SLC36A2: variants seen among roughly 807,000 people sequenced by gnomAD.
SLC36A2 encodes the protein proton-coupled amino acid transporter 2.
A neutral mutation model predicts 42.7 loss-of-function variants in SLC36A2; 39 were observed. That is an observed-to-expected ratio of 0.91 (90% CI 0.71 to 1.19). The LOEUF (loss-of-function observed/expected upper bound fraction) is 1.19. SLC36A2 is among the 50% of genes most tolerant of loss of function. The probability of loss-of-function intolerance (pLI) is 0.00; values close to 1 mark genes in which losing one functional copy is unlikely to be tolerated. For synonymous variants in SLC36A2, 237 were observed against 240.8 expected, an observed-to-expected ratio of 0.98 and a Z score of 0.15; for missense variants, 590 against 613.7, an observed-to-expected ratio of 0.96 and a Z score of 0.41.
In SLC36A2 at chr5:151,316,843, A is replaced by T; in HGVS notation, c.1426T>A (p.Ser476Thr). ...CACCGAACAAAAGTGGTGGAGTTGGAAAAGGGGTGAGAGTCTTCTGACTTG... is the reference window on the plus strand; with the variant it reads ...CACCGAACAAAAGTGGTGGAGTTGGTAAAGGGGTGAGAGTCTTCTGACTTG... The part of the protein sequence containing the change: ...LLKSEDSHPF[S>T]NSTTFVR Residue 476 changes from serine to threonine, a missense_variant, in exon 10 of 10, where the codon TCC becomes ACC. Coordinates refer to ENST00000335244, the MANE Select transcript of SLC36A2 (RefSeq NM_181776.3). The T allele has an allele frequency of 6.2e-7, 1 of 1,613,442 alleles. No individual in the cohort carries two copies. Among genetic ancestry groups the T allele is most frequent in the Non-Finnish European group, 8.5e-7 (1 of 1,179,870 alleles).
intron 8 of SLC36A2, among the ~76,000 whole-genome samples, chr5:151,323,290 G>GAAATAAATAA (rs1561651875): frequency 3.5e-5 from 4 of 114,598 alleles, no homozygotes; most frequent in African/African-American, 1.2e-4. Flanking sequence ...TAAATAAATG[G>GAAATAAATAA]GTGTGTGTGT....
chr5:151,318,523 T>TGTAA (rs1755581775), intron 9 of SLC36A2, among the ~76,000 whole-genome samples: 1 of 141,830 alleles, frequency 7.1e-6, no homozygotes, highest in South Asian at 2.1e-4. Context: ...TAAATAAAAA[T>TGTAA]ATAATAATTA....
Position 151,343,505 on chromosome 5 carries a change from C to T in SLC36A2, c.344+5G>A, listed in dbSNP as rs774863038. ...GAATTGACACAAGGAGGCTGTTTTC[C>T]TCACCTCTTACAGAAGCGCTGGGCA... On this transcript the variant is annotated splice_donor_5th_base_variant and intron_variant, in intron 3 of 9. Transcript: ENST00000335244. 6.2e-7 allele frequency: 1 copy of T among 1,613,966 alleles called. No homozygotes were observed. The highest frequency in any genetic ancestry group is 1.3e-5 in the African/African-American group (1 of 74,912).
At position 151,347,467 on chromosome 5, in the gene SLC36A2, T is replaced by C; in HGVS notation, c.-7A>G. ...TACTTTTTGTCACAGACATGACTGC[T>C]TAAGAAACAAGGAGCTCGGGGTGAC... On this transcript the variant is annotated 5_prime_UTR_variant, in exon 1 of 10. Coordinates refer to ENST00000335244, the MANE Select transcript of SLC36A2 (RefSeq NM_181776.3). The C allele has an allele frequency of 6.2e-7, 1 of 1,613,692 alleles. No homozygotes were observed. Among genetic ancestry groups the C allele is most frequent in the Non-Finnish European group, 8.5e-7 (1 of 1,180,006 alleles).
chr5:151,331,271 T>C (rs1444291870), intron 7 of SLC36A2, among the ~76,000 whole-genome samples: 1 of 151,930 alleles, frequency 6.6e-6, no homozygotes, highest in African/African-American at 2.4e-5. Context: ...CTCTATGACC[T>C]ATGATTTCTT....
chr5:151,324,898 G>C lies in SLC36A2; in HGVS notation c.1010+388C>G, dbSNP rs1396935755. 5.9e-5 allele frequency among the ~76,000 whole-genome samples: 9 copies of C among 152,276 alleles called. No individual in the cohort carries two copies. In the South Asian group the frequency reaches 1.0e-3, roughly 18 times the overall value. Reference sequence around the variant, plus strand: ...TTCCACTTTTCTATCTGGTTACTCTGACTTGGGGAATGTGAACCACTGGCT... The same window carrying C: ...TTCCACTTTTCTATCTGGTTACTCTCACTTGGGGAATGTGAACCACTGGCT... On this transcript the variant is annotated intron_variant, in intron 8 of 9. Transcript: ENST00000335244.
intron 7 of SLC36A2, among the ~76,000 whole-genome samples, chr5:151,327,951 A>C (rs2127290360): frequency 6.6e-6 from 1 of 152,330 alleles, no homozygotes; most frequent in Admixed American, 6.5e-5. Flanking sequence ...CTGGGCTAGC[A>C]GAGTTCTTCT....
In SLC36A2 at chr5:151,316,756, A is replaced by T; in HGVS notation, c.*61T>A. 6.6e-7 allele frequency: 1 copy of T among 1,521,168 alleles called. No homozygotes were observed. Among genetic ancestry groups the T allele is most frequent in the Non-Finnish European group, 8.8e-7 (1 of 1,135,740 alleles). The allele number at this position is 1,521,168 out of a possible 1,614,324, so 94.2% of individuals were successfully genotyped here. A position where few individuals can be genotyped will look rare whatever the true frequency, so the allele number is the denominator to read the frequency against. On this transcript the variant is annotated 3_prime_UTR_variant, in exon 10 of 10. Coordinates refer to ENST00000335244, the MANE Select transcript of SLC36A2 (RefSeq NM_181776.3). ...ACTCCGTCTCAAAAAAAAAAAAAAA[A>T]AAAAAAAGAGATCCATATAATTAAA...
At position 151,347,388 on chromosome 5, in the gene SLC36A2, C is replaced by G; in HGVS notation, c.73G>C (p.Glu25Gln). Residue 25 changes from glutamate to glutamine, a missense_variant, in exon 1 of 10, where the codon GAA becomes CAA. Transcript: ENST00000335244. ...TTGTTCTCCAACTTCTTGGCACTTT[C>G]AGGAGGCGACATAAGGTCCAATTTG... ...AIKLDLMSPP[E>Q]SAKKLENKDS... 1 of 1,614,248 alleles carries G rather than the reference C, an allele frequency of 6.2e-7. No homozygotes were observed. The highest frequency in any genetic ancestry group is 1.1e-5 in the South Asian group (1 of 91,086).
chr5:151,318,595 A>G (rs1002179080), intron 9 of SLC36A2, among the ~76,000 whole-genome samples: 1 of 146,356 alleles, frequency 6.8e-6, no homozygotes, highest in African/African-American at 2.5e-5. Context: ...TATATATAAA[A>G]ATATAATAAA....
intron 9 of SLC36A2, among the ~76,000 whole-genome samples, chr5:151,318,654 TAATA>T (rs1319483385): frequency 2.7e-5 from 4 of 149,072 alleles, no homozygotes; most frequent in African/African-American, 9.7e-5. Context: ...CCTAGAATTT[TAATA>T]AATAATTAAC....
chr5:151,321,142 G>GATTTATTT (rs141530947), intron 9 of SLC36A2, among the ~76,000 whole-genome samples: 8,908 of 149,776 alleles, frequency 0.059, 383 homozygotes, highest in African/African-American at 0.12. Flanking sequence ...CAGTTCTTAT[G>GATTTATTT]ATTTATTTAT....
chr5:151,324,273 G>T (rs1004680096), intron 8 of SLC36A2, among the ~76,000 whole-genome samples: 37 of 151,976 alleles, frequency 2.4e-4, no homozygotes, highest in African/African-American at 8.7e-4. Context: ...CTCCTGAGTA[G>T]CTGAGACTAT....
At chr5:151,342,825 C>T in intron 4 of SLC36A2, 63 bp downstream of exon 4, 1 of 1,414,504 alleles carries the variant, frequency 7.1e-7, no homozygotes, top group Non-Finnish European at 1.0e-6. Flanking sequence ...AGAAGTCACC[C>T]TGATAGCAGC....
chr5:151,334,461 C>T (rs180741605), intron 6 of SLC36A2, among the ~76,000 whole-genome samples: 2,143 of 148,968 alleles, frequency 0.014, 42 homozygotes, highest in African/African-American at 0.048. Context: ...GGGGCCAAGG[C>T]GGGGGGATCA....
At chr5:151,329,162 A>C (rs246491) in intron 7 of SLC36A2, among the ~76,000 whole-genome samples, 1 of 152,092 alleles carries the variant, frequency 6.6e-6, no homozygotes, top group Admixed American at 6.5e-5. Flanking sequence ...AAGGCTTTGA[A>C]AACTGAACTA....
At chr5:151,340,142 AGGAGG>A (rs1363771881) in intron 4 of SLC36A2, among the ~76,000 whole-genome samples, 1,232 of 115,538 alleles carry the variant, frequency 0.011, 31 homozygotes, top group African/African-American at 0.072. Flanking sequence ...GAGGAAGAAG[AGGAGG>A]AGAAGGAGGA....
At chr5:151,336,530 C>T (rs183092707) in intron 5 of SLC36A2, among the ~76,000 whole-genome samples, 18 of 143,494 alleles carry the variant, frequency 1.3e-4, no homozygotes, top group African/African-American at 2.9e-4. Flanking sequence ...TTAACATATA[C>T]GCTTACTGAT....
intron 5 of SLC36A2, among the ~76,000 whole-genome samples, chr5:151,337,037 G>A (rs1352052521): frequency 6.6e-6 from 1 of 152,026 alleles, no homozygotes; most frequent in Non-Finnish European, 1.5e-5. Flanking sequence ...ATACACTGTG[G>A]ATACATAAAT....
Sources: allele counts gnomAD v4.1 joint callset (sites outside exome capture counted in the v4.1 genomes callset), GRCh38; gene constraint gnomAD v4.1.1; transcripts MANE v1.5; gene names NCBI Gene and HGNC (gene_info 2026-07-23, HGNC 2026-07-21).